The following PCDH15 variants were observed in gnomAD, a reference collection of about 807,000 sequenced individuals.
The protein encoded by PCDH15 is protocadherin related 15.
In PCDH15, 129 loss-of-function variants were observed where a neutral mutation model predicts 178.5. The observed-to-expected ratio is 0.72, with a 90% CI of 0.63 to 0.84. The LOEUF (loss-of-function observed/expected upper bound fraction) is 0.84, where lower values mean the gene tolerates loss of function less well. Among genes scored for constraint, PCDH15 ranks in the 40% least tolerant of loss-of-function variants. The pLI is 0.00. For synonymous variants in PCDH15, 800 were observed against 732.0 expected (o/e 1.09, Z -1.50); for missense variants, 2,230 against 2,099.9 (o/e 1.06, Z -1.21).
At chr10:55,484,999 C>A (rs1320068255) in intron 2 of PCDH15, among the ~76,000 whole-genome samples, 1 of 151,650 alleles carries the variant, frequency 6.6e-6, no homozygotes, top group Non-Finnish European at 1.5e-5. Flanking sequence ...GTCAAGACCT[C>A]AAAAGAATAG....
intron 2 of PCDH15, among the ~76,000 whole-genome samples, chr10:55,050,469 T>G (rs2131987121): frequency 6.6e-6 from 1 of 152,122 alleles, no homozygotes; most frequent in Middle Eastern, 3.4e-3. Flanking sequence ...GCTTGTGTCC[T>G]ATGAGATGTT....
At chr10:54,716,792 G>A (rs928880060) in intron 1 of PCDH15, among the ~76,000 whole-genome samples, 9 of 151,050 alleles carry the variant, frequency 6.0e-5, no homozygotes, top group East Asian at 1.9e-4. Flanking sequence ...AAAAGAGCCC[G>A]CATCACCAAG....
At chr10:54,237,079 T>A in intron 8 of PCDH15, 148 bp from the exon 9 acceptor site, 1 of 748,024 alleles carries the variant, frequency 1.3e-6, no homozygotes, top group South Asian at 1.5e-5. Flanking sequence ...CTTTTACTAG[T>A]TAATTTTGAA....
Position 55,079,403 on chromosome 10 carries a change from G to T in PCDH15, c.-80+87173C>A, listed in dbSNP as rs371562014. Among the ~76,000 whole-genome samples the T allele has an allele frequency of 3.3e-5, 5 of 152,180 alleles. No homozygotes were observed. In the East Asian group the frequency reaches 5.8e-4, roughly 18 times the overall value. ...TGATGTCCTTGGTGACTTAGAATGT[G>T]GTTATTAATGGAGGCTCTGGTAAAG... On this transcript the variant is annotated intron_variant, in intron 2 of 5. Transcript: ENST00000458638.
Position 53,820,178 on chromosome 10 carries a change from G to A in PCDH15, c.4420C>T (p.Arg1474Trp), listed in dbSNP as rs941913069. Residue 1474 changes from arginine (R) to tryptophan (W), a missense_variant, in exon 33 of 38, where the codon CGG becomes TGG. Physicochemically the swap from Arg to Trp is moderately radical, Grantham distance 101. Transcript: ENST00000644397. ...VICMRTCAIW[R>W]TLTRRGYGSE... is the part of the protein sequence containing the mutation. ...AATTGTGAATACCTTGTCAGAGTCC[G>A]CCAAATAGCACAAGTTCTCATGCAT... 7.5e-5 allele frequency: 30 copies of A among 397,648 alleles called. No homozygotes were observed. The highest frequency in any genetic ancestry group is 3.6e-4 in the East Asian group (10 of 28,014). The allele number at this position is 397,648 out of a possible 1,614,324, so 24.6% of individuals were successfully genotyped here.
intron 2 of PCDH15, among the ~76,000 whole-genome samples, chr10:55,503,337 TATTA>T (rs953709193): frequency 2.7e-5 from 4 of 149,088 alleles, no homozygotes; most frequent in African/African-American, 4.9e-5. Flanking sequence ...AATTAAGTTT[TATTA>T]ATTAAAATAA....
intron 2 of PCDH15, among the ~76,000 whole-genome samples, chr10:55,393,280 C>T (rs1009731676): frequency 1.3e-5 from 2 of 151,932 alleles, no homozygotes; most frequent in South Asian, 4.2e-4. Context: ...GGAGGGGATC[C>T]CAATAATTCA....
At chr10:55,314,530 G>C (rs1489972072) in intron 1 of PCDH15, among the ~76,000 whole-genome samples, 1 of 150,540 alleles carries the variant, frequency 6.6e-6, no homozygotes, top group Admixed American at 6.6e-5. Flanking sequence ...CACTGCCTGG[G>C]TTTGTCGCCA....
At chr10:53,961,552 T>C (rs1249937951) in intron 22 of PCDH15, among the ~76,000 whole-genome samples, 200 bp downstream of exon 22, 1 of 152,034 alleles carries the variant, frequency 6.6e-6, no homozygotes. Context: ...ACGCAAATTC[T>C]AGCTATTTCC....
At position 55,063,858 on chromosome 10, in the gene PCDH15, A is replaced by G. The variant is rs1033753484; in HGVS notation, c.-80+102718T>C. Among the ~76,000 whole-genome samples, 54 of 152,194 alleles carry G rather than the reference A, an allele frequency of 3.5e-4. 1 individual carries two copies. Among genetic ancestry groups the G allele is most frequent in the Non-Finnish European group, 1.9e-4 (13 of 68,024 alleles). ...GCTTCTGGGACTCCAAAGTTATCAG[A>G]AGGTAAACAAACAACTAGTAGAAAG... On this transcript the variant is annotated intron_variant, in intron 2 of 5. Transcript: ENST00000458638.
chr10:54,760,930 TA>T (rs1341897941), intron 1 of PCDH15, among the ~76,000 whole-genome samples: 1 of 152,110 alleles, frequency 6.6e-6, no homozygotes, highest in Non-Finnish European at 1.5e-5. Context: ...AATGCCAAAC[TA>T]ATTCATGAAA....
chr10:55,533,171 G>C (rs573840360), intron 2 of PCDH15, among the ~76,000 whole-genome samples: 1 of 152,092 alleles, frequency 6.6e-6, no homozygotes, highest in Non-Finnish European at 1.5e-5. Flanking sequence ...ACGGCACAAG[G>C]TAAGGATGCC....
chr10:55,434,245 T>G (rs1838974778), intron 2 of PCDH15, among the ~76,000 whole-genome samples: 5 of 151,774 alleles, frequency 3.3e-5, no homozygotes, highest in Admixed American at 3.3e-4. Context: ...TTTTTTTTTG[T>G]ATTTTTAGTA....
intron 2 of PCDH15, among the ~76,000 whole-genome samples, chr10:54,584,352 T>C (rs1352451863): frequency 6.6e-6 from 1 of 152,106 alleles, no homozygotes; most frequent in Non-Finnish European, 1.5e-5. Context: ...CAGTGAGCTA[T>C]AATCATGCCA....
At chr10:55,548,834 G>A (rs1469624883) in intron 2 of PCDH15, among the ~76,000 whole-genome samples, 1 of 152,076 alleles carries the variant, frequency 6.6e-6, no homozygotes, top group Non-Finnish European at 1.5e-5. Flanking sequence ...GGAAGTAAGG[G>A]TTGAAGAATA....
chr10:54,139,396 G>T (rs1031711163), intron 14 of PCDH15, among the ~76,000 whole-genome samples: 3 of 152,096 alleles, frequency 2.0e-5, no homozygotes, highest in Non-Finnish European at 4.4e-5. Flanking sequence ...CTATTAAAAT[G>T]AAATAATCAA....
chr10:54,105,549 G>T (rs927910632), intron 15 of PCDH15, among the ~76,000 whole-genome samples: 12 of 151,862 alleles, frequency 7.9e-5, no homozygotes, highest in African/African-American at 2.7e-4. Flanking sequence ...AGGCTGTAAG[G>T]CTAAGCCAGT....
At chr10:53,931,852 A>T (rs2257049) in intron 25 of PCDH15, among the ~76,000 whole-genome samples, 7,131 of 152,236 alleles carry the variant, frequency 0.047, 515 homozygotes, top group African/African-American at 0.16. Context: ...ATGTTAATGG[A>T]AGTTCCTCTG....
chr10:54,527,744 G>T, intron 3 of PCDH15, 68 bp downstream of exon 3: 1 of 1,348,134 alleles, frequency 7.4e-7, no homozygotes, highest in Non-Finnish European at 1.1e-6. Flanking sequence ...ACTCATAGTA[G>T]ATTGAGAATT....
Sources: gnomAD v4.1 joint callset for allele counts (sites outside exome capture counted in the v4.1 genomes callset) on GRCh38, gnomAD v4.1.1 for gene constraint, MANE v1.5 for transcripts, NCBI Gene and HGNC (gene_info 2026-07-23, HGNC 2026-07-21) for gene names.